KCNQ3: variants seen among roughly 807,000 people sequenced by gnomAD.
KCNQ3 encodes potassium voltage-gated channel subfamily Q member 3, also known as potassium voltage-gated channel subfamily KQT member 3.
KCNQ3 carries 30 observed loss-of-function variants against 92.5 expected under a neutral mutation model. The observed-to-expected ratio is 0.32, with a 90% CI of 0.24 to 0.44. The LOEUF (loss-of-function observed/expected upper bound fraction) is 0.44. KCNQ3 is among the 20% of genes least tolerant of loss of function. The pLI is 1.00. For missense variants in KCNQ3, 913 were observed against 1,140.3 expected, an observed-to-expected ratio of 0.80 and a Z score of 2.87; for synonymous variants, 450 against 468.8, an observed-to-expected ratio of 0.96 and a Z score of 0.52.
intron 9 of KCNQ3, among the ~76,000 whole-genome samples, chr8:132,148,253 T>TA (rs1439921066): frequency 1.5e-4 from 23 of 151,592 alleles, no homozygotes; most frequent in African/African-American, 5.6e-4. Flanking sequence ...GTAATTTCTT[T>TA]TTCTTTTTTT....
intron 1 of KCNQ3, among the ~76,000 whole-genome samples, chr8:132,286,728 A>G (rs1161259508): frequency 1.3e-5 from 2 of 152,196 alleles, no homozygotes; most frequent in Non-Finnish European, 2.9e-5. Flanking sequence ...GTCAAAACTT[A>G]TGTTGAAATT....
At chr8:132,296,008 G>C (rs930330624) in intron 1 of KCNQ3, among the ~76,000 whole-genome samples, 2 of 152,178 alleles carry the variant, frequency 1.3e-5, no homozygotes, top group Admixed American at 6.5e-5. Context: ...AAACTTACAT[G>C]TTGTGCACAT....
At chr8:132,214,948 C>T (rs962601796) in intron 1 of KCNQ3, among the ~76,000 whole-genome samples, 13 of 152,380 alleles carry the variant, frequency 8.5e-5, no homozygotes, top group African/African-American at 3.1e-4. Flanking sequence ...GCTCCAAACC[C>T]TCTGACTTCT....
rs371769857 is a variant in KCNQ3, at chr8:132,230,433, CAG to C, written c.387-44254_387-44253del. ...AGACAGCTGCTGCTGCCACCACAGGCAGAGAGAGAGAGAGACAGAGAGAGAGA... is the reference window on the plus strand; with the variant it reads ...AGACAGCTGCTGCTGCCACCACAGGCAGAGAGAGAGAGACAGAGAGAGAGA... On this transcript the variant is annotated intron_variant, in intron 1 of 14. Coordinates refer to ENST00000388996, the MANE Select transcript of KCNQ3 (RefSeq NM_004519.4). Among the ~76,000 whole-genome samples the C allele has an allele frequency of 3.2e-3, 416 of 130,164 alleles. 2 individuals carry two copies. The highest frequency in any genetic ancestry group is 0.01 in the African/African-American group (337 of 33,188). The allele number at this position is 130,164 out of a possible 152,430, so 85.4% of individuals were successfully genotyped here. A position where few individuals can be genotyped will look rare whatever the true frequency, so the allele number is the denominator to read the frequency against.
intron 3 of KCNQ3, among the ~76,000 whole-genome samples, chr8:132,180,596 G>A (rs1352396821): frequency 1.3e-5 from 2 of 152,150 alleles, no homozygotes; most frequent in East Asian, 3.9e-4. Flanking sequence ...ACACTTTAAT[G>A]CTGGCTCCAG....
intron 1 of KCNQ3, among the ~76,000 whole-genome samples, chr8:132,432,711 C>T (rs1287064120): frequency 6.6e-6 from 1 of 152,194 alleles, no homozygotes; most frequent in Non-Finnish European, 1.5e-5. Flanking sequence ...TTCCCCCTCA[C>T]ATCCTATCTC....
At chr8:132,366,218 C>A (rs1477240413) in intron 1 of KCNQ3, among the ~76,000 whole-genome samples, 1 of 151,920 alleles carries the variant, frequency 6.6e-6, no homozygotes, top group African/African-American at 2.4e-5. Flanking sequence ...TAAGTTTATC[C>A]TTAGGTATTT....
chr8:132,172,845 C>A, intron 6 of KCNQ3, 152 bp from the exon 7 acceptor site: 1 of 684,364 alleles, frequency 1.5e-6, no homozygotes, highest in Non-Finnish European at 2.7e-6. Flanking sequence ...GGGAAAGAGC[C>A]CTTCCTTCTC....
At chr8:132,303,591 ATATATATATGGTGTG>A in intron 1 of KCNQ3, among the ~76,000 whole-genome samples, 6 of 39,744 alleles carry the variant, frequency 1.5e-4, no homozygotes, top group South Asian at 1.0e-3. Context: ...GTGTGTGTGT[ATATATATATGGTGTG>A]TATATATATA....
rs147146039 is a variant in KCNQ3, at chr8:132,126,453, T to C, written c.*2809A>G. The stretch of plus-strand genomic sequence containing the variant: ...GCAGGTTTGGTTTGCCTTTCTGGAA[T>C]ATATTTTTTGGGGAACAAAAGGAGA... On this transcript the variant is annotated 3_prime_UTR_variant, in exon 15 of 15. Coordinates refer to ENST00000388996, the MANE Select transcript of KCNQ3 (RefSeq NM_004519.4). 1.9e-3 allele frequency: 293 copies of C among 152,326 alleles called. No homozygotes were observed. Among genetic ancestry groups the C allele is most frequent in the African/African-American group, 6.7e-3 (277 of 41,578 alleles). The allele number at this position is 152,326 out of a possible 1,614,324, so 9.4% of individuals were successfully genotyped here. A position where few individuals can be genotyped will look rare whatever the true frequency, so the allele number is the denominator to read the frequency against.
At chr8:132,341,847 T>C (rs897841739) in intron 1 of KCNQ3, among the ~76,000 whole-genome samples, 3 of 152,138 alleles carry the variant, frequency 2.0e-5, no homozygotes, top group Non-Finnish European at 4.4e-5. Context: ...ATCCATGCAG[T>C]TTTTACCTGG....
At chr8:132,132,913 C>G (rs1824933087) in intron 13 of KCNQ3, among the ~76,000 whole-genome samples, 1 of 152,054 alleles carries the variant, frequency 6.6e-6, no homozygotes, top group African/African-American at 2.4e-5. Context: ...TTGCTAGAAA[C>G]CATTCATGCT....
In KCNQ3 at chr8:132,123,897, A is replaced by C. The variant is rs142400286; in HGVS notation, c.*5365T>G. On this transcript the variant is annotated 3_prime_UTR_variant, in exon 15 of 15. Transcript: ENST00000388996. ...TGAAAGCCTGGGAACAAATCTCCCC[A>C]GGGAAGGTTTAAGCAAGCATTAACT... The C allele has an allele frequency of 1.3e-5, 2 of 152,222 alleles. No individual in the cohort carries two copies. Among genetic ancestry groups the C allele is most frequent in the African/African-American group, 4.8e-5 (2 of 41,464 alleles). 9.4% of individuals were successfully genotyped at this position (152,222 alleles called of 1,614,324 possible).
intron 1 of KCNQ3, among the ~76,000 whole-genome samples, chr8:132,381,969 G>T: frequency 6.6e-6 from 1 of 152,216 alleles, no homozygotes; most frequent in East Asian, 1.9e-4. Context: ...CTCACCAGGA[G>T]CCTGGAGGCC....
At chr8:132,312,315 T>C (rs1043948984) in intron 1 of KCNQ3, among the ~76,000 whole-genome samples, 6 of 152,206 alleles carry the variant, frequency 3.9e-5, no homozygotes, top group African/African-American at 1.4e-4. Flanking sequence ...ATATTTCTGC[T>C]TTTTGGTGCT....
intron 1 of KCNQ3, among the ~76,000 whole-genome samples, chr8:132,418,808 A>G (rs1432615027): frequency 6.6e-6 from 1 of 152,324 alleles, no homozygotes; most frequent in East Asian, 1.9e-4. Flanking sequence ...AAATAAATTT[A>G]AAAACATAAA....
At chr8:132,157,283 C>T (rs746692015) in intron 9 of KCNQ3, among the ~76,000 whole-genome samples, 13 of 152,178 alleles carry the variant, frequency 8.5e-5, no homozygotes, top group Non-Finnish European at 1.5e-4. Context: ...GAGAAGGCCA[C>T]ATGAACCATA....
intron 1 of KCNQ3, among the ~76,000 whole-genome samples, chr8:132,210,867 G>GTATC (rs1371595073): frequency 6.6e-6 from 1 of 152,242 alleles, no homozygotes; most frequent in Non-Finnish European, 1.5e-5. Flanking sequence ...TGGAAAGTTA[G>GTATC]TATCTACATC....
chr8:132,478,408 C>G (rs776585759), intron 1 of KCNQ3, among the ~76,000 whole-genome samples: 2 of 152,168 alleles, frequency 1.3e-5, no homozygotes, highest in African/African-American at 2.4e-5. Flanking sequence ...TGAAAGGACA[C>G]GTGAATCATT....
Sources: allele counts gnomAD v4.1 joint callset (sites outside exome capture counted in the v4.1 genomes callset), GRCh38; gene constraint gnomAD v4.1.1; transcripts MANE v1.5; gene names NCBI Gene and HGNC (gene_info 2026-07-23, HGNC 2026-07-21).